The following VPS54 variants were observed in gnomAD, a reference collection of about 807,000 sequenced individuals.
The protein encoded by VPS54 is VPS54 subunit of GARP complex.
In VPS54, 45 loss-of-function variants were observed where a neutral mutation model predicts 121.5. That is an observed-to-expected ratio of 0.37 (90% CI 0.29 to 0.47). The LOEUF (loss-of-function observed/expected upper bound fraction) is 0.47, where lower values mean the gene tolerates loss of function less well. VPS54 is among the 20% of genes least tolerant of loss of function. VPS54 has a pLI of 0.99. For synonymous variants in VPS54, 371 were observed against 385.8 expected, an observed-to-expected ratio of 0.96 and a Z score of 0.45; for missense variants, 1,090 against 1,131.4, an observed-to-expected ratio of 0.96 and a Z score of 0.52.
chr2:63,941,280 A>G (rs1007246841), intron 11 of VPS54, among the ~76,000 whole-genome samples: 1 of 152,118 alleles, frequency 6.6e-6, no homozygotes, highest in Non-Finnish European at 1.5e-5. Context: ...GCTGGAGTAC[A>G]GTGGCACAAT....
chr2:64,017,044 AG>A (rs1314977317), intron 1 of VPS54, among the ~76,000 whole-genome samples: 9 of 142,688 alleles, frequency 6.3e-5, no homozygotes, highest in African/African-American at 2.5e-4. Flanking sequence ...AAAAAAAAAA[AG>A]AGTGTGATGG....
At chr2:63,941,754 G>A (rs1674740935) in intron 11 of VPS54, among the ~76,000 whole-genome samples, 1 of 152,156 alleles carries the variant, frequency 6.6e-6, no homozygotes, top group Admixed American at 6.5e-5. Context: ...AATATTAGCA[G>A]CCAGGCACAG....
At chr2:63,912,785 C>CTG in intron 18 of VPS54, 124 bp from the exon 19 acceptor site, 1 of 1,234,566 alleles carries the variant, frequency 8.1e-7, no homozygotes, top group Non-Finnish European at 1.1e-6. Flanking sequence ...ATTTCATAAA[C>CTG]GAAGAGCCCT....
At chr2:63,943,920 T>TG (rs1159288886) in intron 10 of VPS54, among the ~76,000 whole-genome samples, 3 of 151,672 alleles carry the variant, frequency 2.0e-5, no homozygotes, top group African/African-American at 7.3e-5. Context: ...TTGGTAGAGA[T>TG]GGGGTCTCAC....
chr2:63,944,775 A>C, intron 9 of VPS54, 120 bp from the exon 10 acceptor site: 1 of 735,728 alleles, frequency 1.4e-6, no homozygotes, highest in Non-Finnish European at 2.1e-6. Context: ...CTTTTCAAAA[A>C]AGGACATACA....
intron 5 of VPS54, among the ~76,000 whole-genome samples, chr2:63,968,601 C>T (rs1285476690): frequency 2.0e-5 from 3 of 151,948 alleles, no homozygotes; most frequent in Non-Finnish European, 4.4e-5. Context: ...CGCCTGTAAT[C>T]CCAGCTACTC....
At chr2:63,925,904 C>T (rs972125201) in intron 12 of VPS54, among the ~76,000 whole-genome samples, 1 of 152,202 alleles carries the variant, frequency 6.6e-6, no homozygotes, top group African/African-American at 2.4e-5. Flanking sequence ...TACACCAACA[C>T]ATTCACTTTG....
At position 63,928,483 on chromosome 2, in the gene VPS54, C is replaced by A. The variant is rs144498592; in HGVS notation, c.1739+5190G>T. Among the ~76,000 whole-genome samples the A allele has an allele frequency of 6.8e-3, 1,036 of 152,266 alleles. 42 individuals are homozygous for A. In the East Asian group the frequency reaches 0.11, roughly 16 times the overall value. ...TGAGAGATTTTTGTCACCACCAGGC[C>A]TGCCTTACAAGAGCTCCTGAAGGAA... On this transcript the variant is annotated intron_variant, in intron 12 of 22. Coordinates refer to ENST00000272322, the MANE Select transcript of VPS54 (RefSeq NM_016516.3).
At chr2:63,949,559 G>A (rs1675142944) in intron 7 of VPS54, among the ~76,000 whole-genome samples, 1 of 152,118 alleles carries the variant, frequency 6.6e-6, no homozygotes, top group African/African-American at 2.4e-5. Context: ...AATAAAGCTA[G>A]AGAAAATATG....
At chr2:63,993,740 G>T (rs1395959528) in intron 1 of VPS54, among the ~76,000 whole-genome samples, 2 of 152,092 alleles carry the variant, frequency 1.3e-5, no homozygotes, top group Non-Finnish European at 2.9e-5. Flanking sequence ...CAAATTGTTT[G>T]ATTTTATAAA....
intron 1 of VPS54, among the ~76,000 whole-genome samples, chr2:64,006,629 C>CT (rs569562947): frequency 1.1e-3 from 147 of 135,864 alleles, no homozygotes; most frequent in Middle Eastern, 3.8e-3. Flanking sequence ...TTATTATAAA[C>CT]TTTTTTTTTT....
intron 20 of VPS54, among the ~76,000 whole-genome samples, chr2:63,911,586 G>C (rs966734373): frequency 1.3e-5 from 2 of 152,160 alleles, no homozygotes; most frequent in African/African-American, 4.8e-5. Context: ...ATATGTGTTT[G>C]GGTAGTCTTG....
chr2:63,998,777 TATA>T (rs1172355021), intron 1 of VPS54, among the ~76,000 whole-genome samples: 1 of 152,180 alleles, frequency 6.6e-6, no homozygotes, highest in Non-Finnish European at 1.5e-5. Context: ...AAATTATAGT[TATA>T]ATTTTTTATT....
chr2:63,901,740 G>A (rs1672687108), intron 20 of VPS54, among the ~76,000 whole-genome samples: 1 of 152,156 alleles, frequency 6.6e-6, no homozygotes, highest in Non-Finnish European at 1.5e-5. Flanking sequence ...CCTGGGCCGG[G>A]CATGGTGGCT....
intron 11 of VPS54, among the ~76,000 whole-genome samples, chr2:63,941,828 G>C (rs1239965770): frequency 6.6e-6 from 1 of 152,070 alleles, no homozygotes; most frequent in African/African-American, 2.4e-5. Flanking sequence ...GAGGTCAGGA[G>C]TTCGAGACCA....
chr2:64,005,086 CTTCT>C (rs1678061704), intron 1 of VPS54, among the ~76,000 whole-genome samples: 1 of 76,604 alleles, frequency 1.3e-5, no homozygotes, highest in Non-Finnish European at 2.4e-5. Context: ...TCTACTATTG[CTTCT>C]TTTTTTTTTT....
chr2:64,009,692 T>C (rs149969010), intron 1 of VPS54, among the ~76,000 whole-genome samples: 88 of 152,294 alleles, frequency 5.8e-4, no homozygotes, highest in African/African-American at 2.0e-3. Flanking sequence ...GGGATAAATA[T>C]ACTACTTTGG....
At chr2:63,926,544 CTT>C (rs1171092979) in intron 12 of VPS54, among the ~76,000 whole-genome samples, 1 of 152,126 alleles carries the variant, frequency 6.6e-6, no homozygotes, top group Admixed American at 6.5e-5. Flanking sequence ...AGGAACAGCT[CTT>C]GTCTACAGCT....
intron 7 of VPS54, among the ~76,000 whole-genome samples, chr2:63,960,155 A>C (rs1419757583): frequency 1.3e-5 from 2 of 149,790 alleles, no homozygotes; most frequent in African/African-American, 5.0e-5. Context: ...GTAGCAGGGG[A>C]CTGGGGGTGG....
Sources: allele counts gnomAD v4.1 joint callset (sites outside exome capture counted in the v4.1 genomes callset), GRCh38; gene constraint gnomAD v4.1.1; transcripts MANE v1.5; gene names NCBI Gene and HGNC (gene_info 2026-07-23, HGNC 2026-07-21).